Variants in DLG3 observed in about 807,000 individuals in gnomAD.
DLG3 encodes the protein discs large MAGUK scaffold protein 3, also known as disks large homolog 3.
DLG3 carries 1 observed loss-of-function variant against 64.1 expected under a neutral mutation model. The observed-to-expected ratio is 0.02, with a 90% CI of 0.01 to 0.07. The LOEUF is 0.07. DLG3 is among the 10% of genes least tolerant of loss of function. DLG3 has a pLI of 1.00. For synonymous variants in DLG3, 245 were observed against 259.8 expected, an observed-to-expected ratio of 0.94 and a Z score of 0.55; for missense variants, 429 against 669.5, an observed-to-expected ratio of 0.64 and a Z score of 3.96.
At chrX:70,479,546 A>G (rs2087116467) in intron 10 of DLG3, among the ~76,000 whole-genome samples, 1 of 112,077 alleles carries the variant, frequency 8.9e-6, no homozygotes, top group Non-Finnish European at 1.9e-5. Flanking sequence ...GCATTCAAAT[A>G]TCAGTCAAAT....
In DLG3 at chrX:70,452,101, C is replaced by T. The variant is rs190214198; in HGVS notation, c.1145+75C>T. The T allele has an allele frequency of 1.1e-3, 1,256 of 1,158,833 alleles. 9 individuals are homozygous for T. In the African/African-American group the frequency reaches 0.02, roughly 18 times the overall value. The stretch of plus-strand genomic sequence containing the variant: ...GGGGAGGAATCCGTTTCTGGCCGGC[C>T]ACAGGCTCCTTGTAGTATGGCAAAG... On this transcript the variant is annotated intron_variant, in intron 7 of 18. Coordinates refer to ENST00000374360, the MANE Select transcript of DLG3 (RefSeq NM_021120.4).
chrX:70,498,552 C>G lies in DLG3; in HGVS notation c.1852C>G (p.Pro618Ala), dbSNP rs949843405. 15 of 1,206,925 alleles carry G rather than the reference C, an allele frequency of 1.2e-5. No individual in the cohort carries two copies. The highest frequency in any genetic ancestry group is 1.7e-5 in the Non-Finnish European group (15 of 893,540). ...GQEDAILSYEPVTRQEIHYAR... is the reference protein window; with the variant it reads ...GQEDAILSYEAVTRQEIHYAR... ...AGAGGATGCTATTTTGTCATATGAG[C>G]CAGTGACACGGCAAGAAAGTAAGCC... The change falls in exon 14 of 19, where the codon CCA becomes GCA. Residue 618 changes from proline (P) to alanine (A), a missense_variant. Coordinates refer to ENST00000374360, the MANE Select transcript of DLG3 (RefSeq NM_021120.4).
At chrX:70,473,525 T>C (rs1211574916) in intron 9 of DLG3, among the ~76,000 whole-genome samples, 4 of 112,316 alleles carry the variant, frequency 3.6e-5, no homozygotes, top group Non-Finnish European at 7.5e-5. Flanking sequence ...GGGACCATTT[T>C]GATTACCATT....
chrX:70,459,950 A>G (rs949445602), intron 9 of DLG3, among the ~76,000 whole-genome samples: 1 of 111,272 alleles, frequency 9.0e-6, no homozygotes, highest in Non-Finnish European at 1.9e-5. Flanking sequence ...TATCACTCTG[A>G]GACTCTTCAA....
At chrX:70,462,672 A>G (rs2086826287) in intron 9 of DLG3, among the ~76,000 whole-genome samples, 1 of 111,768 alleles carries the variant, frequency 8.9e-6, no homozygotes, top group Non-Finnish European at 1.9e-5. Flanking sequence ...GACTATTGTG[A>G]ACACTGCTGC....
intron 9 of DLG3, among the ~76,000 whole-genome samples, chrX:70,464,224 C>CT (rs2086850869): frequency 1.0e-5 from 1 of 98,630 alleles, no homozygotes; most frequent in Admixed American, 1.2e-4. Flanking sequence ...CCTTTCCTTT[C>CT]CTTTCTCTTT....
chrX:70,452,518 C>T, intron 7 of DLG3: 2 of 1,147,972 alleles, frequency 1.7e-6, no homozygotes, highest in South Asian at 4.1e-5. Context: ...GTCGGGCCGG[C>T]TGGGGTTCCG....
At chrX:70,471,802 C>T (rs1049852775) in intron 9 of DLG3, among the ~76,000 whole-genome samples, 4 of 111,047 alleles carry the variant, frequency 3.6e-5, no homozygotes, top group African/African-American at 1.3e-4. Flanking sequence ...TTTCTTGATT[C>T]CTGTCTCTTC....
chrX:70,499,142 C>T lies in DLG3; in HGVS notation c.1871-34C>T, dbSNP rs751863021. On this transcript the variant is annotated intron_variant, in intron 14 of 18. Coordinates refer to ENST00000374360, the MANE Select transcript of DLG3 (RefSeq NM_021120.4). Reference sequence around the variant, plus strand: ...GTAGGACAGGCTGTCTGGTGGGGGCCTCTGTTCACTGTCTCGATGCTCTCC... The same window carrying T: ...GTAGGACAGGCTGTCTGGTGGGGGCTTCTGTTCACTGTCTCGATGCTCTCC... The T allele has an allele frequency of 4.6e-6, 5 of 1,080,284 alleles. No individual in the cohort carries two copies. The African/African-American group carries it at 9.2e-5, about 20-fold the overall frequency. 89.0% of individuals were successfully genotyped at this position (1,080,284 alleles called of 1,213,427 possible). A position where few individuals can be genotyped will look rare whatever the true frequency, so the allele number is the denominator to read the frequency against.
chrX:70,502,637 G>A lies in DLG3; in HGVS notation c.*368G>A, dbSNP rs1039255268. 10 of 195,303 alleles carry A rather than the reference G, an allele frequency of 5.1e-5. No homozygotes were observed. Among genetic ancestry groups the A allele is most frequent in the South Asian group, 1.7e-4 (2 of 11,812 alleles). The allele number at this position is 195,303 out of a possible 1,213,427, so 16.1% of individuals were successfully genotyped here. On this transcript the variant is annotated 3_prime_UTR_variant, in exon 19 of 19. Transcript: ENST00000374360. ...AAAGACAGACTCTGGACAGCTGCACGGCTTGTGAAGTGAGCTAAATGCACC... is the reference window on the plus strand; with the variant it reads ...AAAGACAGACTCTGGACAGCTGCACAGCTTGTGAAGTGAGCTAAATGCACC...
rs185921691 is a variant in DLG3, at chrX:70,477,613, C to A, written c.1406-1537C>A. ...TGTCTCTCTACCCTCCGCCACCCCA[C>A]CCCCCGCAACGTTTAATGGGTGAGT... On this transcript the variant is annotated intron_variant, in intron 9 of 18. Transcript: ENST00000374360. Among the ~76,000 whole-genome samples, 384 of 111,311 alleles carry A rather than the reference C, an allele frequency of 3.4e-3. 3 individuals carry two copies. The highest frequency in any genetic ancestry group is 0.012 in the African/African-American group (364 of 30,582).
chrX:70,476,586 C>CCTGTTGTGG lies in DLG3; in HGVS notation c.1406-2562_1406-2561insGTTGTGGCT, dbSNP rs1456024557. ...GTTGTAAAAAGTTGTTAATCAGCCG[C>CCTGTTGTGG]CTATTGTGGGTTGTTAACATCTCAA... On this transcript the variant is annotated intron_variant, in intron 9 of 18. Coordinates refer to ENST00000374360, the MANE Select transcript of DLG3 (RefSeq NM_021120.4). Among the ~76,000 whole-genome samples the CCTGTTGTGG allele has an allele frequency of 4.5e-5, 5 of 112,091 alleles. No individual in the cohort carries two copies. In the East Asian group the frequency reaches 1.4e-3, roughly 31 times the overall value.
At chrX:70,472,572 A>G (rs1040713573) in intron 9 of DLG3, among the ~76,000 whole-genome samples, 1 of 111,170 alleles carries the variant, frequency 9.0e-6, no homozygotes, top group African/African-American at 3.3e-5. Context: ...GAAAAAGAAA[A>G]AAAAAGAATT....
At chrX:70,497,258 C>T in intron 13 of DLG3, 1 of 1,168,363 alleles carries the variant, frequency 8.6e-7, no homozygotes, top group East Asian at 3.0e-5. Flanking sequence ...CGTGTAGCTC[C>T]ACTGTGTATC....
chrX:70,500,998 C>G lies in DLG3; in HGVS notation c.2347+9C>G, dbSNP rs1555971670. ...TGGAGAGTACTTTACAGGTAAGACT[C>G]CTGCTGCCCTGCGGGGGGTTCTGGG... On this transcript the variant is annotated intron_variant, in intron 18 of 18. Transcript: ENST00000374360. 8.7e-7 allele frequency: 1 copy of G among 1,149,508 alleles called. No individual in the cohort carries two copies. The highest frequency in any genetic ancestry group is 1.8e-5 in the African/African-American group (1 of 55,325). The allele number at this position is 1,149,508 out of a possible 1,213,427, so 94.7% of individuals were successfully genotyped here.
rs773219809 is a variant in DLG3, at chrX:70,479,176, C to T, written c.1432C>T (p.His478Tyr). ...EEYSRFESKI[H>Y]DLREQMMNSS... ...ATACAGTCGCTTTGAATCGAAGATA[C>T]ATGACTTACGAGAACAAATGATGAA... The change falls in exon 10 of 19, where the codon CAT becomes TAT. Residue 478 changes from histidine (H) to tyrosine (Y), a missense_variant. This residue lies in a region of DLG3 where 46 missense variants were observed against 52.3 expected (regional missense o/e 0.88). Coordinates refer to ENST00000374360, the MANE Select transcript of DLG3 (RefSeq NM_021120.4). 2 of 1,200,719 alleles carry T rather than the reference C, an allele frequency of 1.7e-6. No individual in the cohort carries two copies. The highest frequency in any genetic ancestry group is 2.2e-6 in the Non-Finnish European group (2 of 889,492).
At chrX:70,483,845 G>T (rs773726788) in intron 10 of DLG3, among the ~76,000 whole-genome samples, 2 of 112,352 alleles carry the variant, frequency 1.8e-5, no homozygotes, top group Non-Finnish European at 3.8e-5. Context: ...GTAGATGACC[G>T]GGATAAGCAC....
At chrX:70,449,296 A>G (rs1467471537) in intron 2 of DLG3, 63 bp from the exon 3 acceptor site, 8 of 1,197,179 alleles carry the variant, frequency 6.7e-6, no homozygotes, top group Non-Finnish European at 9.0e-6. Context: ...GAGATGAGGT[A>G]CCCAGAACTC....
At position 70,495,416 on chromosome X, in the gene DLG3, G is replaced by T; in HGVS notation, c.1782G>T (p.Pro594=). The change falls in exon 13 of 19, where the codon CCG becomes CCT. Residue 594 remains proline (P), a synonymous_variant. Coordinates refer to ENST00000374360, the MANE Select transcript of DLG3 (RefSeq NM_021120.4). The part of the protein sequence containing the change: ...TGMIESNRDF[P]GLSDDYYGAK... ...GCTGTCTGTGAAATCAGGACTTCCCGGGGTTAAGTGACGATTATTATGGAG... is the reference window on the plus strand; with the variant it reads ...GCTGTCTGTGAAATCAGGACTTCCCTGGGTTAAGTGACGATTATTATGGAG... The T allele has an allele frequency of 8.3e-7, 1 of 1,210,509 alleles. No individual in the cohort carries two copies. Among genetic ancestry groups the T allele is most frequent in the Non-Finnish European group, 1.1e-6 (1 of 894,961 alleles).
Sources: gnomAD v4.1 joint callset for allele counts (sites outside exome capture counted in the v4.1 genomes callset) on GRCh38, gnomAD v4.1.1 for gene constraint, gnomAD v4.1.1 regional missense constraint, MANE v1.5 for transcripts, NCBI Gene and HGNC (gene_info 2026-07-23, HGNC 2026-07-21) for gene names.